The following SLC44A5 variants were observed in gnomAD, a reference collection of about 807,000 sequenced individuals.
SLC44A5 encodes solute carrier family 44 member 5.
A neutral mutation model predicts 101.8 loss-of-function variants in SLC44A5; 57 were observed. That is an observed-to-expected ratio of 0.56 (90% CI 0.45 to 0.70). The LOEUF (loss-of-function observed/expected upper bound fraction) is 0.70. Ranked by LOEUF, SLC44A5 falls within the 30% of genes least tolerant of loss-of-function variation. The pLI is 0.00. For missense variants in SLC44A5, 737 were observed against 853.1 expected, an observed-to-expected ratio of 0.86 and a Z score of 1.70; for synonymous variants, 281 against 290.9, an observed-to-expected ratio of 0.97 and a Z score of 0.35.
intron 2 of SLC44A5, among the ~76,000 whole-genome samples, chr1:75,397,506 A>G (rs938712171): frequency 6.6e-6 from 1 of 152,174 alleles, no homozygotes; most frequent in African/African-American, 2.4e-5. Context: ...GAAAGCGAAC[A>G]TTTGTAAATT....
chr1:75,257,513 G>A (rs1650110791), intron 6 of SLC44A5, among the ~76,000 whole-genome samples: 1 of 152,186 alleles, frequency 6.6e-6, no homozygotes, highest in Non-Finnish European at 1.5e-5. Context: ...TGCTCAGCCA[G>A]GATCAGCTGG....
At chr1:75,420,776 G>GT (rs1408822041) in intron 2 of SLC44A5, among the ~76,000 whole-genome samples, 1 of 151,902 alleles carries the variant, frequency 6.6e-6, no homozygotes, top group Non-Finnish European at 1.5e-5. Flanking sequence ...GTAGAGACTG[G>GT]TTTATAAAAA....
intron 11 of SLC44A5, among the ~76,000 whole-genome samples, 195 bp from the exon 12 acceptor site, chr1:75,234,293 A>T (rs1021399733): frequency 1.3e-5 from 2 of 152,138 alleles, no homozygotes; most frequent in Non-Finnish European, 2.9e-5. Flanking sequence ...GAATAGGATC[A>T]TCAGGGACTT....
At chr1:75,672,333 A>G in the SLC44A5 span, among the ~76,000 whole-genome samples, 1 of 152,152 alleles carries the variant, frequency 6.6e-6, no homozygotes, top group East Asian at 1.9e-4. Flanking sequence ...ATTGGAATTC[A>G]GTGCCGCACT....
chr1:75,260,449 G>A (rs1349252941), intron 6 of SLC44A5, among the ~76,000 whole-genome samples: 2 of 152,104 alleles, frequency 1.3e-5, no homozygotes, highest in Non-Finnish European at 2.9e-5. Flanking sequence ...TACTGGTAAA[G>A]GGGTCAATGC....
At chr1:75,566,014 T>A (rs1051538367) in intron 1 of SLC44A5, among the ~76,000 whole-genome samples, 2 of 152,220 alleles carry the variant, frequency 1.3e-5, no homozygotes, top group Non-Finnish European at 2.9e-5. Flanking sequence ...TGTCTTTAAA[T>A]AGCATACATT....
intron 4 of SLC44A5, among the ~76,000 whole-genome samples, chr1:75,307,334 AT>A (rs1557646082): frequency 1.3e-5 from 2 of 152,280 alleles, no homozygotes; most frequent in African/African-American, 4.8e-5. Flanking sequence ...TGGCACCTGA[AT>A]GATGCCATTC....
chr1:75,634,554 C>A, the SLC44A5 span, among the ~76,000 whole-genome samples: 4 of 151,208 alleles, frequency 2.6e-5, no homozygotes, highest in East Asian at 2.0e-4. Flanking sequence ...GAAAAACAAG[C>A]AATGGGGAAA....
chr1:75,691,779 T>C, the SLC44A5 span, among the ~76,000 whole-genome samples: 1 of 152,234 alleles, frequency 6.6e-6, no homozygotes, highest in African/African-American at 2.4e-5. Flanking sequence ...CCTTCTTTCA[T>C]GTCTTTACAT....
intron 1 of SLC44A5, among the ~76,000 whole-genome samples, chr1:75,606,147 A>G (rs1477703598): frequency 6.6e-6 from 1 of 151,800 alleles, no homozygotes; most frequent in Non-Finnish European, 1.5e-5. Flanking sequence ...CAAGTGAGGG[A>G]ATGGACTGCC....
Position 75,552,993 on chromosome 1 carries a change from A to ACAC in SLC44A5, c.-69-11480_-69-11478dup, listed in dbSNP as rs558579243. Reference sequence around the variant, plus strand: ...TTCCTGACATTTAACAGAAATCAGGACACCAGTTCAAAAATTACGTACCAA... The same window carrying ACAC: ...TTCCTGACATTTAACAGAAATCAGGACACCACCAGTTCAAAAATTACGTACCAA... On this transcript the variant is annotated intron_variant, in intron 1 of 23. Transcript: ENST00000370859. 9.6e-3 allele frequency among the ~76,000 whole-genome samples: 1,466 copies of ACAC among 152,252 alleles called. 5 individuals are homozygous for ACAC. The highest frequency in any genetic ancestry group is 0.014 in the Non-Finnish European group (931 of 68,002).
At chr1:75,352,156 A>G (rs1209856840) in intron 3 of SLC44A5, among the ~76,000 whole-genome samples, 2 of 152,082 alleles carry the variant, frequency 1.3e-5, no homozygotes, top group East Asian at 3.9e-4. Context: ...GTGTTTTAAG[A>G]TACTTTCTGT....
chr1:75,585,341 T>C (rs545466073), intron 1 of SLC44A5, among the ~76,000 whole-genome samples: 16 of 152,362 alleles, frequency 1.1e-4, no homozygotes, highest in Non-Finnish European at 1.9e-4. Context: ...TGCCAGTAAG[T>C]ATTTGCTGAA....
intron 2 of SLC44A5, among the ~76,000 whole-genome samples, 199 bp downstream of exon 2, chr1:75,541,236 G>A (rs983187185): frequency 6.6e-6 from 1 of 152,176 alleles, no homozygotes; most frequent in Admixed American, 6.5e-5. Context: ...AAAGGAAGAC[G>A]TCATGCGTCT....
intron 7 of SLC44A5, among the ~76,000 whole-genome samples, chr1:75,247,815 T>C (rs182430744): frequency 7.1e-6 from 1 of 141,072 alleles, no homozygotes; most frequent in Non-Finnish European, 1.6e-5. Flanking sequence ...TTGAGGTCGA[T>C]GGTATTGTTT....
At chr1:75,716,313 T>A in the SLC44A5 span, among the ~76,000 whole-genome samples, 4,815 of 151,850 alleles carry the variant, frequency 0.032, 256 homozygotes, top group African/African-American at 0.11. Flanking sequence ...ATCCCACTTC[T>A]ACAAAAAATT....
At chr1:75,526,909 G>A (rs367744931) in intron 2 of SLC44A5, among the ~76,000 whole-genome samples, 59 of 152,126 alleles carry the variant, frequency 3.9e-4, no homozygotes, top group East Asian at 3.1e-3. Flanking sequence ...TGAGGTGGGC[G>A]GATCACCTGA....
chr1:75,674,419 G>T, the SLC44A5 span, among the ~76,000 whole-genome samples: 5 of 151,640 alleles, frequency 3.3e-5, no homozygotes, highest in Admixed American at 3.3e-4. Flanking sequence ...TGCTCTTGTC[G>T]CCCAGGCTGG....
chr1:75,477,440 G>C (rs1667494940), intron 2 of SLC44A5, among the ~76,000 whole-genome samples: 1 of 152,122 alleles, frequency 6.6e-6, no homozygotes, highest in African/African-American at 2.4e-5. Flanking sequence ...GGCTTCAGAT[G>C]ATCAAACTAC....
Sources: allele counts gnomAD v4.1 joint callset (sites outside exome capture counted in the v4.1 genomes callset), GRCh38; gene constraint gnomAD v4.1.1; transcripts MANE v1.5; gene names NCBI Gene and HGNC (gene_info 2026-07-23, HGNC 2026-07-21).